The following TRMT11 variants were observed in gnomAD, a reference collection of about 807,000 sequenced individuals.
TRMT11 encodes tRNA methyltransferase 11.
A neutral mutation model predicts 62.8 loss-of-function variants in TRMT11; 53 were observed. The observed-to-expected ratio is 0.84, with a 90% CI of 0.68 to 1.06. TRMT11 has a LOEUF of 1.06. TRMT11 is among the 50% of genes least tolerant of loss of function. The pLI is 0.00. For missense variants in TRMT11, 556 were observed against 553.4 expected, an observed-to-expected ratio of 1.00 and a Z score of -0.05; for synonymous variants, 188 against 190.3, an observed-to-expected ratio of 0.99 and a Z score of 0.10.
upstream of TRMT11, among the ~76,000 whole-genome samples, chr6:126,173,706 C>T (rs1778354765): frequency 6.6e-6 from 1 of 152,200 alleles, no homozygotes; most frequent in Non-Finnish European, 1.5e-5. Context: ...ACCAAAGGAA[C>T]TTAGCATCCT....
Position 126,151,842 on chromosome 6 carries a change from C to CTTTCTTTG in TRMT11, c.*1824-22976_*1824-22975insGTTTCTTT, listed in dbSNP as rs1554242242. Among the ~76,000 whole-genome samples the CTTTCTTTG allele has an allele frequency of 2.1e-4, 27 of 130,280 alleles. No individual in the cohort carries two copies. In the East Asian group the frequency reaches 4.9e-3, roughly 24 times the overall value. 85.5% of individuals were successfully genotyped at this position (130,280 alleles called of 152,430 possible). A position where few individuals can be genotyped will look rare whatever the true frequency, so the allele number is the denominator to read the frequency against. The stretch of plus-strand genomic sequence containing the variant: ...TCTTTCTTTCTTTCTTTCTTTCTTT[C>CTTTCTTTG]TTTCTTTCTTTCTTTCTTTCTTTCC... On this transcript the variant is annotated intron_variant and NMD_transcript_variant, in intron 21 of 22. Transcript: ENST00000648977.
rs189285922 is a variant in TRMT11, at chr6:126,111,951, C to T, written c.*1438-915C>T. On this transcript the variant is annotated intron_variant and NMD_transcript_variant, in intron 17 of 22. Coordinates refer to the TRMT11 transcript ENST00000648977. Reference sequence around the variant, plus strand: ...TGAGGTGATACAATATGGCACTTGCCGTAAGGTAAGTTATTACTGAATGAT... The same window carrying T: ...TGAGGTGATACAATATGGCACTTGCTGTAAGGTAAGTTATTACTGAATGAT... 7.2e-4 allele frequency among the ~76,000 whole-genome samples: 108 copies of T among 149,846 alleles called. 2 individuals are homozygous for T. Among genetic ancestry groups the T allele is most frequent in the South Asian group, 6.0e-3 (29 of 4,818 alleles).
chr6:126,179,539 A>G (rs1193941084), intron 1 of TRMT11, among the ~76,000 whole-genome samples: 1 of 152,028 alleles, frequency 6.6e-6, no homozygotes, highest in Non-Finnish European at 1.5e-5. Context: ...TTTTTTTTCT[A>G]CTTTTCTGAC....
In TRMT11 at chr6:126,006,267, G is replaced by C. The variant is rs528632040; in HGVS notation, c.680-2125G>C. Among the ~76,000 whole-genome samples the C allele has an allele frequency of 5.3e-5, 8 of 151,882 alleles. No homozygotes were observed. The East Asian group carries it at 1.4e-3, about 26-fold the overall frequency. On this transcript the variant is annotated intron_variant, in intron 7 of 12. Transcript: ENST00000334379. ...TTCTTTTTTTAAAAAAGATAAAATA[G>C]ATGCAATAATATTGCCATTTTTCTT...
At chr6:126,267,593 C>T in the TRMT11 span, among the ~76,000 whole-genome samples, 8 of 152,202 alleles carry the variant, frequency 5.3e-5, no homozygotes, top group South Asian at 1.5e-3. Flanking sequence ...GCTAAATTTA[C>T]CATAGTGAAA....
At chr6:126,128,723 T>G (rs1490775473) in intron 21 of TRMT11, among the ~76,000 whole-genome samples, 1 of 152,082 alleles carries the variant, frequency 6.6e-6, no homozygotes, top group Non-Finnish European at 1.5e-5. Flanking sequence ...GCACCTTCAC[T>G]TATGCACTAC....
intron 17 of TRMT11, among the ~76,000 whole-genome samples, chr6:126,075,303 G>A (rs1388445559): frequency 2.0e-5 from 3 of 152,142 alleles, no homozygotes; most frequent in East Asian, 1.9e-4. Flanking sequence ...CAGGGGCTGT[G>A]AAATGGCTTG....
chr6:126,062,036 C>A (rs1024679600), intron 17 of TRMT11, among the ~76,000 whole-genome samples: 1 of 152,136 alleles, frequency 6.6e-6, no homozygotes, highest in African/African-American at 2.4e-5. Flanking sequence ...CACGCTGCCA[C>A]GCTTGGCTAA....
intron 19 of TRMT11, among the ~76,000 whole-genome samples, chr6:126,114,915 A>G (rs1777570278): frequency 6.6e-6 from 1 of 152,054 alleles, no homozygotes. Flanking sequence ...GCTGTAAGAG[A>G]GGTATAAGTC....
intron 12 of TRMT11, among the ~76,000 whole-genome samples, chr6:126,030,586 A>G (rs1240452072): frequency 1.3e-5 from 2 of 152,208 alleles, no homozygotes; most frequent in East Asian, 1.9e-4. Context: ...TTCACTTATC[A>G]TAGAATAAAT....
chr6:126,023,374 G>GC lies in TRMT11; in HGVS notation c.1260+2095dup, dbSNP rs113243814. Among the ~76,000 whole-genome samples, 205 of 152,174 alleles carry GC rather than the reference G, an allele frequency of 1.3e-3. 2 individuals are homozygous for GC. Among genetic ancestry groups the GC allele is most frequent in the African/African-American group, 4.7e-3 (197 of 41,516 alleles). ...CTCTAAAACACACTGCCTGGGCCAG[G>GC]CGCGGTGGCTCACGCCTGTAATCCC... On this transcript the variant is annotated intron_variant, in intron 12 of 12. Transcript: ENST00000334379.
chr6:126,262,969 G>A, the TRMT11 span, among the ~76,000 whole-genome samples: 2 of 151,584 alleles, frequency 1.3e-5, no homozygotes, highest in Non-Finnish European at 2.9e-5. Context: ...CTTGGTGGGA[G>A]GTGTCAGGTA....
At chr6:126,209,618 C>T in the TRMT11 span, among the ~76,000 whole-genome samples, 153 of 151,520 alleles carry the variant, frequency 1.0e-3, no homozygotes, top group African/African-American at 3.2e-3. Flanking sequence ...CCCAGCTACT[C>T]GGGAGGCTGA....
chr6:126,036,552 G>T (rs1775228464), intron 12 of TRMT11, among the ~76,000 whole-genome samples: 1 of 152,082 alleles, frequency 6.6e-6, no homozygotes, highest in Non-Finnish European at 1.5e-5. Context: ...AGAGGGATTT[G>T]ACGCAGGTTT....
chr6:126,027,257 A>G (rs1773344368), intron 12 of TRMT11, among the ~76,000 whole-genome samples: 1 of 152,246 alleles, frequency 6.6e-6, no homozygotes, highest in Admixed American at 6.5e-5. Flanking sequence ...TGTCCACAAC[A>G]GACTGAGGTA....
At chr6:126,182,583 C>G (rs1308348195) in intron 1 of TRMT11, among the ~76,000 whole-genome samples, 1 of 151,976 alleles carries the variant, frequency 6.6e-6, no homozygotes, top group Non-Finnish European at 1.5e-5. Flanking sequence ...CCTGACTCCC[C>G]CAACCCCACC....
chr6:126,056,144 A>G (rs1428682824), intron 17 of TRMT11, among the ~76,000 whole-genome samples: 3 of 150,134 alleles, frequency 2.0e-5, no homozygotes, highest in Non-Finnish European at 4.4e-5. Context: ...TCGCACTGTT[A>G]ACATAAGATA....
chr6:126,186,027 C>T lies in TRMT11; in HGVS notation n.143+8692C>T, dbSNP rs374913906. Among the ~76,000 whole-genome samples, 97 of 152,264 alleles carry T rather than the reference C, an allele frequency of 6.4e-4. 1 individual carries two copies. The highest frequency in any genetic ancestry group is 2.0e-3 in the African/African-American group (84 of 41,556). On this transcript the variant is annotated intron_variant and non_coding_transcript_variant, in intron 1 of 3. Transcript: ENST00000444229. Reference sequence around the variant, plus strand: ...AGATGAGATTCGGGTGGGGACACAACCAAACCATATCACCCTCCATAATGA... The same window carrying T: ...AGATGAGATTCGGGTGGGGACACAATCAAACCATATCACCCTCCATAATGA...
intron 17 of TRMT11, among the ~76,000 whole-genome samples, chr6:126,111,096 C>G (rs992440747): frequency 2.0e-5 from 3 of 152,088 alleles, no homozygotes; most frequent in African/African-American, 7.2e-5. Context: ...CTGGGAGGGA[C>G]TGCTTGTGCT....
Sources: gnomAD v4.1 joint callset for allele counts (sites outside exome capture counted in the v4.1 genomes callset) on GRCh38, gnomAD v4.1.1 for gene constraint, MANE v1.5 for transcripts, NCBI Gene and HGNC (gene_info 2026-07-23, HGNC 2026-07-21) for gene names.